CDH4: variants seen among roughly 807,000 people sequenced by gnomAD.
The protein encoded by CDH4 is cadherin-4.
Under a neutral mutation model 86.0 loss-of-function variants are expected in CDH4, and 33 were observed. The ratio of observed to expected loss-of-function variants is 0.38; its 90% CI spans 0.29 to 0.51. CDH4 has a LOEUF of 0.51. CDH4 is among the 20% of genes least tolerant of loss of function. The pLI is 0.86. For missense variants in CDH4, 1,114 were observed against 1,307.4 expected (o/e 0.85, Z 2.28); for synonymous variants, 555 against 549.4 (o/e 1.01, Z -0.14).
At position 61,709,342 on chromosome 20, in the gene CDH4, T is replaced by G. The variant is rs947074724; in HGVS notation, c.170-34221T>G. Among the ~76,000 whole-genome samples the G allele has an allele frequency of 6.6e-6, 1 of 152,214 alleles. No individual in the cohort carries two copies. The highest frequency in any genetic ancestry group is 1.5e-5 in the Non-Finnish European group (1 of 68,030). Reference sequence around the variant, plus strand: ...CAGGCTGTAGTGCAGTGGGGTGATCTTGGCTCACTGCAACCTCCGCCTCCT... The same window carrying G: ...CAGGCTGTAGTGCAGTGGGGTGATCGTGGCTCACTGCAACCTCCGCCTCCT... On this transcript the variant is annotated intron_variant, in intron 2 of 15. Coordinates refer to ENST00000614565, the MANE Select transcript of CDH4 (RefSeq NM_001794.5). The surrounding 1 kb of genome is among the most constrained non-coding windows in gnomAD (Gnocchi z 4.8).
intron 4 of CDH4, among the ~76,000 whole-genome samples, chr20:61,812,410 G>A (rs1980486691): frequency 6.6e-6 from 1 of 152,142 alleles, no homozygotes; most frequent in Non-Finnish European, 1.5e-5. Context: ...GCAGCTGTGA[G>A]CTGTTAACAG....
intron 4 of CDH4, among the ~76,000 whole-genome samples, chr20:61,830,522 C>A (rs1358650880): frequency 2.0e-5 from 3 of 152,182 alleles, no homozygotes. Context: ...CCCGTTTCTG[C>A]TGCTGGTGAG....
intron 2 of CDH4, among the ~76,000 whole-genome samples, chr20:61,416,249 C>T (rs2145496402): frequency 6.6e-6 from 1 of 152,268 alleles, no homozygotes; most frequent in East Asian, 1.9e-4. Context: ...ATCCACCCAC[C>T]TCGGCCTCCC....
In CDH4 at chr20:61,510,179, G is replaced by T. The variant is rs1057164583; in HGVS notation, c.170-233384G>T. Among the ~76,000 whole-genome samples, 8 of 152,310 alleles carry T rather than the reference G, an allele frequency of 5.3e-5. No individual in the cohort carries two copies. The South Asian group carries it at 1.0e-3, about 20-fold the overall frequency. ...GAAAGAGCTTCAACCCGGAAATTTA[G>T]TGATTTGCAATATGCCAGCATCTAT... On this transcript the variant is annotated intron_variant, in intron 2 of 15. Coordinates refer to ENST00000614565, the MANE Select transcript of CDH4 (RefSeq NM_001794.5). The surrounding 1 kb of genome is among the most constrained non-coding windows in gnomAD (Gnocchi z 4.2).
At chr20:61,777,824 A>G (rs1427181502) in intron 4 of CDH4, among the ~76,000 whole-genome samples, 1 of 144,370 alleles carries the variant, frequency 6.9e-6, no homozygotes, top group African/African-American at 2.6e-5. Flanking sequence ...ACACATCCAC[A>G]TGCGCACGCA....
chr20:61,600,885 G>T (rs1235153771), intron 2 of CDH4, among the ~76,000 whole-genome samples: 1 of 152,128 alleles, frequency 6.6e-6, no homozygotes, highest in African/African-American at 2.4e-5. Flanking sequence ...AGAACCCGCG[G>T]GTGTGGAAAG....
Position 61,844,828 on chromosome 20 carries a change from G to A in CDH4, c.732+5G>A. 1.2e-6 allele frequency: 2 copies of A among 1,609,856 alleles called. No homozygotes were observed. Among genetic ancestry groups the A allele is most frequent in the African/African-American group, 1.3e-5 (1 of 75,020 alleles). ...GAGGAGCACGCCTCTTACCACGTGA[G>A]TGTCCACACCCGGCTGAGAATGGGG... On this transcript the variant is annotated splice_donor_5th_base_variant and intron_variant, in intron 5 of 15. Coordinates refer to ENST00000614565, the MANE Select transcript of CDH4 (RefSeq NM_001794.5).
At chr20:61,606,754 G>T (rs899569153) in intron 2 of CDH4, among the ~76,000 whole-genome samples, 16 of 152,230 alleles carry the variant, frequency 1.1e-4, no homozygotes, top group Admixed American at 6.5e-4. Context: ...ACATTTTGGG[G>T]TCTAAATGTT....
intron 3 of CDH4, among the ~76,000 whole-genome samples, chr20:61,747,768 T>G (rs1432595993): frequency 6.6e-6 from 1 of 152,084 alleles, no homozygotes; most frequent in Non-Finnish European, 1.5e-5. Flanking sequence ...CCGTAAGAGA[T>G]ATTAGAGAGG....
intron 2 of CDH4, among the ~76,000 whole-genome samples, chr20:61,584,253 C>G (rs1003659964): frequency 3.3e-5 from 5 of 152,216 alleles, no homozygotes; most frequent in African/African-American, 9.6e-5. Flanking sequence ...CCTCAGACAG[C>G]TCTTGCACGT....
chr20:61,883,941 C>T (rs949701737), intron 7 of CDH4, among the ~76,000 whole-genome samples: 3 of 152,170 alleles, frequency 2.0e-5, no homozygotes, highest in East Asian at 1.9e-4. Context: ...TCCCCACCCC[C>T]CAACCCCCGT....
At chr20:61,931,355 G>A (rs1008142323) in intron 13 of CDH4, among the ~76,000 whole-genome samples, 11 of 152,156 alleles carry the variant, frequency 7.2e-5, no homozygotes, top group African/African-American at 1.9e-4. Flanking sequence ...AGCGTCCCCC[G>A]GCTGTCACCT....
intron 2 of CDH4, chr20:61,719,019 C>T (rs932173555): frequency 2.1e-6 from 1 of 471,096 alleles, no homozygotes; most frequent in African/African-American, 2.0e-5. Flanking sequence ...ACGAGTGGCT[C>T]TAAGTGTGAT....
At chr20:61,295,508 C>G (rs1201425247) in intron 2 of CDH4, among the ~76,000 whole-genome samples, 1 of 152,202 alleles carries the variant, frequency 6.6e-6, no homozygotes, top group Non-Finnish European at 1.5e-5. Context: ...TGGAAGTAAT[C>G]AGTAGCAATG....
chr20:61,521,003 G>C (rs931385125), intron 2 of CDH4, among the ~76,000 whole-genome samples: 43 of 152,160 alleles, frequency 2.8e-4, no homozygotes, highest in African/African-American at 8.9e-4. Flanking sequence ...ACACAGGAGG[G>C]TCTCCCAGGC....
intron 2 of CDH4, among the ~76,000 whole-genome samples, chr20:61,405,472 A>G (rs1407358582): frequency 1.3e-5 from 2 of 152,042 alleles, no homozygotes; most frequent in African/African-American, 4.8e-5. Context: ...CTGCTCCCAG[A>G]GTCAGTGTGG....
chr20:61,850,008 G>A (rs534777180), intron 5 of CDH4, among the ~76,000 whole-genome samples: 11 of 152,298 alleles, frequency 7.2e-5, no homozygotes, highest in African/African-American at 2.4e-4. Flanking sequence ...TGGCGAGGAC[G>A]CATCCCCAGC....
intron 2 of CDH4, among the ~76,000 whole-genome samples, chr20:61,566,542 C>G (rs751360812): frequency 6.6e-6 from 1 of 152,046 alleles, no homozygotes; most frequent in Non-Finnish European, 1.5e-5. Context: ...TGACAGGCCC[C>G]GCACATGGAC....
chr20:61,330,151 C>T (rs753537716), intron 2 of CDH4, among the ~76,000 whole-genome samples: 3 of 152,006 alleles, frequency 2.0e-5, no homozygotes, highest in East Asian at 3.9e-4. Context: ...TGAACATACG[C>T]GTGCATGTAT....
Sources: gnomAD v4.1 joint callset for allele counts (sites outside exome capture counted in the v4.1 genomes callset) on GRCh38, gnomAD v4.1.1 for gene constraint, Gnocchi (gnomAD v3.1) non-coding constraint, MANE v1.5 for transcripts, NCBI Gene and HGNC (gene_info 2026-07-23, HGNC 2026-07-21) for gene names.